Variants in IL1RAPL1 observed in about 807,000 individuals in gnomAD.
The protein encoded by IL1RAPL1 is interleukin 1 receptor accessory protein like 1.
Under a neutral mutation model 48.4 loss-of-function variants are expected in IL1RAPL1, and 3 were observed. The ratio of observed to expected loss-of-function variants is 0.06; its 90% CI spans 0.03 to 0.16. The LOEUF (loss-of-function observed/expected upper bound fraction) is 0.16, where lower values mean the gene tolerates loss of function less well. Among genes scored for constraint, IL1RAPL1 ranks in the 10% least tolerant of loss-of-function variants. IL1RAPL1 has a pLI of 1.00. For missense variants in IL1RAPL1, 349 were observed against 530.6 expected (o/e 0.66, Z 3.36); for synonymous variants, 185 against 187.7 (o/e 0.99, Z 0.12).
chrX:29,249,572 A>G (rs778237823), intron 2 of IL1RAPL1, among the ~76,000 whole-genome samples: 2 of 111,535 alleles, frequency 1.8e-5, no homozygotes, highest in African/African-American at 6.5e-5. Context: ...TTTATTTTCA[A>G]TTTTTTTCCT....
intron 2 of IL1RAPL1, among the ~76,000 whole-genome samples, chrX:29,209,566 A>G (rs1188437506): frequency 8.9e-6 from 1 of 111,833 alleles, no homozygotes; most frequent in Admixed American, 9.6e-5. Flanking sequence ...GTGCGCTTAT[A>G]CAGGCACAAG....
At chrX:29,858,798 G>A (rs913875491) in intron 6 of IL1RAPL1, among the ~76,000 whole-genome samples, 1 of 110,010 alleles carries the variant, frequency 9.1e-6, no homozygotes, top group African/African-American at 3.3e-5. Flanking sequence ...TTGTTCCCTA[G>A]GCTCTTTATT....
intron 2 of IL1RAPL1, among the ~76,000 whole-genome samples, chrX:28,964,427 A>G (rs1205629217): frequency 1.8e-5 from 2 of 111,738 alleles, no homozygotes; most frequent in African/African-American, 6.5e-5. Flanking sequence ...TTAATCACGA[A>G]ATTAACCATT....
chrX:29,617,967 A>G (rs1205006488), intron 5 of IL1RAPL1, among the ~76,000 whole-genome samples: 1 of 111,816 alleles, frequency 8.9e-6, no homozygotes, highest in Non-Finnish European at 1.9e-5. Flanking sequence ...TGCAAATTAC[A>G]TAAAGATCCA....
chrX:29,575,244 T>TA (rs1339256906), intron 5 of IL1RAPL1, among the ~76,000 whole-genome samples: 1 of 111,941 alleles, frequency 8.9e-6, no homozygotes, highest in Non-Finnish European at 1.9e-5. Context: ...TATGTGTATA[T>TA]ATCAGAGGAA....
chrX:29,733,015 A>G (rs1927960209), intron 6 of IL1RAPL1, among the ~76,000 whole-genome samples: 1 of 110,957 alleles, frequency 9.0e-6, no homozygotes, highest in African/African-American at 3.3e-5. Context: ...CAAGGTGGCC[A>G]AGGAAGGAAG....
At chrX:29,848,645 T>C (rs1020030836) in intron 6 of IL1RAPL1, among the ~76,000 whole-genome samples, 3 of 111,594 alleles carry the variant, frequency 2.7e-5, no homozygotes, top group African/African-American at 9.8e-5. Flanking sequence ...AGTCATATTT[T>C]TTCAAAGGGA....
intron 2 of IL1RAPL1, among the ~76,000 whole-genome samples, chrX:28,911,622 A>G (rs1923361941): frequency 9.0e-6 from 1 of 111,188 alleles, no homozygotes. Context: ...AGAATTAAAG[A>G]TTGGTCGTTT....
chrX:29,433,189 A>G (rs1176932599), intron 5 of IL1RAPL1, among the ~76,000 whole-genome samples: 1 of 110,466 alleles, frequency 9.1e-6, no homozygotes, highest in Non-Finnish European at 1.9e-5. Flanking sequence ...TTGAAAATGC[A>G]TGGTTTAAAG....
intron 2 of IL1RAPL1, among the ~76,000 whole-genome samples, chrX:28,873,731 CTG>C (rs1491209116): frequency 9.4e-6 from 1 of 106,609 alleles, no homozygotes; most frequent in Non-Finnish European, 1.9e-5. Flanking sequence ...CGGGGTTTCA[CTG>C]TGTTAGCCAG....
intron 5 of IL1RAPL1, among the ~76,000 whole-genome samples, chrX:29,525,213 T>G (rs1935541004): frequency 8.9e-6 from 1 of 112,087 alleles, no homozygotes; most frequent in African/African-American, 3.2e-5. Context: ...ACACCTCATT[T>G]TTGGCCAAAA....
At position 29,128,668 on chromosome X, in the gene IL1RAPL1, C is replaced by T. The variant is rs148889039; in HGVS notation, c.83-154270C>T. ...ACTTGCTTCTCTGTTTCCTGGCTTG[C>T]CTCTGAGTTCTGAAAGGTGGGAATT... On this transcript the variant is annotated intron_variant, in intron 2 of 10. Transcript: ENST00000378993. 6.7e-3 allele frequency among the ~76,000 whole-genome samples: 743 copies of T among 111,484 alleles called. 4 individuals are homozygous for T. The highest frequency in any genetic ancestry group is 0.022 in the African/African-American group (669 of 30,645).
chrX:29,618,023 G>T (rs767064504), intron 5 of IL1RAPL1, among the ~76,000 whole-genome samples: 10 of 111,654 alleles, frequency 9.0e-5, no homozygotes, highest in African/African-American at 3.3e-4. Flanking sequence ...TTCCCACTGG[G>T]TCTTATATTC....
chrX:29,353,831 G>GTT (rs199572427), intron 3 of IL1RAPL1, among the ~76,000 whole-genome samples: 1 of 92,413 alleles, frequency 1.1e-5, no homozygotes, highest in Non-Finnish European at 2.1e-5. Context: ...TTTTTCCAGT[G>GTT]TTTTTTTTTT....
At chrX:29,463,862 G>A (rs984898923) in intron 5 of IL1RAPL1, among the ~76,000 whole-genome samples, 9 of 111,334 alleles carry the variant, frequency 8.1e-5, no homozygotes, top group African/African-American at 2.0e-4. Flanking sequence ...AAGCTGTCCC[G>A]TGACCACCAT....
chrX:29,231,301 TGCAAATGCTTTTATCCCATATTGCTCA>T (rs1465600263), intron 2 of IL1RAPL1, among the ~76,000 whole-genome samples: 1 of 111,744 alleles, frequency 8.9e-6, no homozygotes. Context: ...ACTATAGCCG[TGCAAATGCTTTTATCCCATATTGCTCA>T]GCAGTTTGCA....
At chrX:29,397,361 C>T (rs768423546) in intron 4 of IL1RAPL1, among the ~76,000 whole-genome samples, 2 of 111,810 alleles carry the variant, frequency 1.8e-5, no homozygotes, top group African/African-American at 6.5e-5. Context: ...AAACAAGAAA[C>T]AAACCTTTAA....
chrX:29,680,928 T>G (rs1440806599), intron 6 of IL1RAPL1, among the ~76,000 whole-genome samples: 2 of 112,043 alleles, frequency 1.8e-5, no homozygotes, highest in Non-Finnish European at 3.8e-5. Flanking sequence ...GCCTTAAACC[T>G]AAACCAAATG....
intron 6 of IL1RAPL1, among the ~76,000 whole-genome samples, chrX:29,909,575 A>G (rs1378119525): frequency 3.6e-5 from 4 of 112,192 alleles, no homozygotes; most frequent in Non-Finnish European, 7.5e-5. Context: ...CTAGAAATAC[A>G]GCTAGCCAGG....
Sources: gnomAD v4.1 joint callset for allele counts (sites outside exome capture counted in the v4.1 genomes callset) on GRCh38, gnomAD v4.1.1 for gene constraint, MANE v1.5 for transcripts, NCBI Gene and HGNC (gene_info 2026-07-23, HGNC 2026-07-21) for gene names.